NPTN: variants seen among roughly 807,000 people sequenced by gnomAD.
NPTN encodes the protein neuroplastin.
A neutral mutation model predicts 42.7 loss-of-function variants in NPTN; 5 were observed. The ratio of observed to expected loss-of-function variants is 0.12; its 90% CI spans 0.06 to 0.25. NPTN has a LOEUF of 0.25. Among genes scored for constraint, NPTN ranks in the 10% least tolerant of loss-of-function variants. The probability of loss-of-function intolerance (pLI) is 1.00; values close to 1 mark genes in which losing one functional copy is unlikely to be tolerated. For missense variants in NPTN, 307 were observed against 525.4 expected, an observed-to-expected ratio of 0.58 and a Z score of 4.06; for synonymous variants, 180 against 201.9, an observed-to-expected ratio of 0.89 and a Z score of 0.92.
chr15:73,567,164 T>G, intron 6 of NPTN: 1 of 985,036 alleles, frequency 1.0e-6, no homozygotes, highest in South Asian at 4.7e-5. Context: ...CACTTAGTGC[T>G]TTTGTAGTAA....
chr15:73,560,619 TATAA>T lies in NPTN; in HGVS notation c.*440_*443del, dbSNP rs1421009224. 1.3e-5 allele frequency: 2 copies of T among 148,782 alleles called. No homozygotes were observed. The highest frequency in any genetic ancestry group is 2.4e-5 in the African/African-American group (1 of 40,884). 9.2% of individuals were successfully genotyped at this position (148,782 alleles called of 1,614,324 possible). ...TTTGGATTTCTCCCACCCCCAAAAA[TATAA>T]ATATATATATATATATATTTATATA... On this transcript the variant is annotated 3_prime_UTR_variant, in exon 9 of 9. Coordinates refer to ENST00000345330, the MANE Select transcript of NPTN (RefSeq NM_012428.4).
chr15:73,591,064 T>A (rs759495093), intron 3 of NPTN, among the ~76,000 whole-genome samples: 8 of 152,146 alleles, frequency 5.3e-5, no homozygotes, highest in Non-Finnish European at 1.0e-4. Context: ...TAAAATACAG[T>A]ATTTGGCCTT....
intron 6 of NPTN, chr15:73,565,886 G>T (rs923717477): frequency 2.2e-6 from 1 of 445,652 alleles, no homozygotes; most frequent in Non-Finnish European, 4.5e-6. Flanking sequence ...GCTCTGCAAT[G>T]TCTAGTAAAT....
At chr15:73,564,181 G>T (rs1199134126) in intron 6 of NPTN, among the ~76,000 whole-genome samples, 2 of 152,130 alleles carry the variant, frequency 1.3e-5, no homozygotes, top group Non-Finnish European at 1.5e-5. Context: ...ACCCACAAGG[G>T]GAAGGGAACA....
chr15:73,631,650 A>G (rs1222958632), intron 1 of NPTN, among the ~76,000 whole-genome samples: 3 of 152,206 alleles, frequency 2.0e-5, no homozygotes. Flanking sequence ...GTAATCATAA[A>G]TTGTTCTGGC....
chr15:73,610,738 T>C (rs569140485), intron 1 of NPTN, among the ~76,000 whole-genome samples: 2 of 152,218 alleles, frequency 1.3e-5, no homozygotes, highest in Non-Finnish European at 2.9e-5. Context: ...AATATTACAA[T>C]GTTTATGCCC....
At chr15:73,602,912 AC>A (rs1192850919) in intron 1 of NPTN, among the ~76,000 whole-genome samples, 1 of 152,206 alleles carries the variant, frequency 6.6e-6, no homozygotes, top group Non-Finnish European at 1.5e-5. Flanking sequence ...ACCAGGGTCC[AC>A]CCTTTATTCT....
chr15:73,622,917 AC>A (rs1225096089), intron 1 of NPTN, among the ~76,000 whole-genome samples: 1 of 152,118 alleles, frequency 6.6e-6, no homozygotes, highest in Non-Finnish European at 1.5e-5. Context: ...ACAACCCTAC[AC>A]TCTTCAAACT....
At chr15:73,568,822 C>T in intron 6 of NPTN, 2 of 985,536 alleles carry the variant, frequency 2.0e-6, no homozygotes, top group Non-Finnish European at 2.4e-6. Flanking sequence ...AACAAACCTC[C>T]TCACCAGCCA....
chr15:73,581,683 G>A (rs1896052556), intron 4 of NPTN, among the ~76,000 whole-genome samples: 1 of 152,186 alleles, frequency 6.6e-6, no homozygotes, highest in Admixed American at 6.5e-5. Flanking sequence ...TTAGAGCAAA[G>A]GGTCAGCTTC....
At chr15:73,626,417 A>G (rs2141479075) in intron 1 of NPTN, among the ~76,000 whole-genome samples, 1 of 152,358 alleles carries the variant, frequency 6.6e-6, no homozygotes, top group Non-Finnish European at 1.5e-5. Flanking sequence ...TAAGTTTCTA[A>G]AAACTTTTAA....
rs552254147 is a variant in NPTN, at chr15:73,573,676, T to A, written c.826A>T (p.Asn276Tyr). ...CTCCTACTCACCATGGGCATCCCGTTCTCCTTCTTGCGCCATATCCAGTCT... is the reference window on the plus strand; with the variant it reads ...CTCCTACTCACCATGGGCATCCCGTACTCCTTCTTGCGCCATATCCAGTCT... ...HPDWIWRKKE[N>Y]GMPMDIVNTS... Residue 276 changes from asparagine (N) to tyrosine (Y), a missense_variant, in exon 5 of 9, where the codon AAC becomes TAC. This residue lies in a region of NPTN where 264 missense variants were observed against 491.1 expected (regional missense o/e 0.54). Transcript: ENST00000345330. 2 of 1,579,706 alleles carry A rather than the reference T, an allele frequency of 1.3e-6. No homozygotes were observed. Among genetic ancestry groups the A allele is most frequent in the South Asian group, 2.3e-5 (2 of 85,228 alleles).
rs188459733 is a variant in NPTN, at chr15:73,612,151, T to G, written c.92-14782A>C. ...AAAACATGGGACAGGTTGGGCCTAGTGGCTCATGCTTGTAATCCCAACACG... is the reference window on the plus strand; with the variant it reads ...AAAACATGGGACAGGTTGGGCCTAGGGGCTCATGCTTGTAATCCCAACACG... On this transcript the variant is annotated intron_variant, in intron 1 of 8. Transcript: ENST00000345330. Among the ~76,000 whole-genome samples, 50 of 152,250 alleles carry G rather than the reference T, an allele frequency of 3.3e-4. No individual in the cohort carries two copies. In the East Asian group the frequency reaches 7.3e-3, roughly 22 times the overall value.
At chr15:73,589,224 G>C (rs1324720006) in intron 3 of NPTN, among the ~76,000 whole-genome samples, 1 of 152,018 alleles carries the variant, frequency 6.6e-6, no homozygotes, top group Non-Finnish European at 1.5e-5. Context: ...TAGCTACTCG[G>C]GAGGCTACGA....
chr15:73,593,671 T>G (rs1896702390), intron 2 of NPTN, among the ~76,000 whole-genome samples: 1 of 152,230 alleles, frequency 6.6e-6, no homozygotes, highest in Non-Finnish European at 1.5e-5. Context: ...CATTTCTGAC[T>G]TGTAGAGTTA....
intron 4 of NPTN, among the ~76,000 whole-genome samples, chr15:73,574,981 C>G (rs1008596969): frequency 2.0e-5 from 3 of 152,184 alleles, no homozygotes; most frequent in Non-Finnish European, 2.9e-5. Context: ...AATGCTTCAC[C>G]AGTTACAGTA....
chr15:73,597,410 A>G lies in NPTN; in HGVS notation c.92-41T>C. 1 of 1,400,632 alleles carries G rather than the reference A, an allele frequency of 7.1e-7. No individual in the cohort carries two copies. Among genetic ancestry groups the G allele is most frequent in the Non-Finnish European group, 9.8e-7 (1 of 1,020,592 alleles). The allele number at this position is 1,400,632 out of a possible 1,614,324, so 86.8% of individuals were successfully genotyped here. On this transcript the variant is annotated intron_variant, in intron 1 of 8. Transcript: ENST00000345330. The surrounding 1 kb of genome is among the most constrained non-coding windows in gnomAD (Gnocchi z 6.3). The stretch of plus-strand genomic sequence containing the variant: ...GCAGGAATGCAGTGACAGGCCAATC[A>G]GAAAAAAAAAAAAGAATCAACAGGT...
At chr15:73,585,290 T>C (rs913552148) in intron 4 of NPTN, among the ~76,000 whole-genome samples, 2 of 152,196 alleles carry the variant, frequency 1.3e-5, no homozygotes, top group African/African-American at 4.8e-5. Flanking sequence ...CTTAACTCTC[T>C]ATTACTCAGC....
chr15:73,584,685 G>A (rs916992619), intron 4 of NPTN, among the ~76,000 whole-genome samples: 7 of 149,638 alleles, frequency 4.7e-5, no homozygotes, highest in African/African-American at 1.7e-4. Context: ...CTCCATCTGT[G>A]CAGATCACCT....
Sources: gnomAD v4.1 joint callset for allele counts (sites outside exome capture counted in the v4.1 genomes callset) on GRCh38, gnomAD v4.1.1 for gene constraint, gnomAD v4.1.1 regional missense constraint, Gnocchi (gnomAD v3.1) non-coding constraint, MANE v1.5 for transcripts, NCBI Gene and HGNC (gene_info 2026-07-23, HGNC 2026-07-21) for gene names.